The following COL7A1 variants were observed in gnomAD, a reference collection of about 807,000 sequenced individuals.
COL7A1 encodes collagen alpha-1(VII) chain.
A neutral mutation model predicts 456.2 loss-of-function variants in COL7A1; 296 were observed. The observed-to-expected ratio is 0.65, with a 90% CI of 0.59 to 0.71. COL7A1 has a LOEUF of 0.71. Ranked by LOEUF, COL7A1 falls within the 30% of genes least tolerant of loss-of-function variation. The pLI, the probability that COL7A1 is intolerant of heterozygous loss-of-function variation, is 0.00. For missense variants in COL7A1, 3,441 were observed against 4,017.2 expected, an observed-to-expected ratio of 0.86 and a Z score of 3.88; for synonymous variants, 1,464 against 1,525.9, an observed-to-expected ratio of 0.96 and a Z score of 0.95.
Position 48,570,771 on chromosome 3 carries a change from C to T in COL7A1, c.7273-61G>A. ...ACTTGGGAACCCTCCTACCCTCTGC[C>T]CCCTCAAGACTGGGAACCCCCAAGG... is the stretch of plus-strand genomic sequence containing the variant. On this transcript the variant is annotated intron_variant, in intron 95 of 118. Transcript: ENST00000681320. The surrounding 1 kb of genome is among the most constrained non-coding windows in gnomAD (Gnocchi z 5.5). The T allele has an allele frequency of 6.4e-7, 1 of 1,557,060 alleles. No individual in the cohort carries two copies. The highest frequency in any genetic ancestry group is 1.4e-5 in the African/African-American group (1 of 73,476).
rs777865274 is a variant in COL7A1 at position 48,585,460 on chromosome 3, C to T, written c.3894+97G>A. 295 of 1,392,834 alleles carry T rather than the reference C, an allele frequency of 2.1e-4. No individual in the cohort carries two copies. The highest frequency in any genetic ancestry group is 2.7e-4 in the Non-Finnish European group (265 of 984,608). 86.3% of individuals were successfully genotyped at this position (1,392,834 alleles called of 1,614,324 possible). A position where few individuals can be genotyped will look rare whatever the true frequency, so the allele number is the denominator to read the frequency against. ...CTCCAGCTGGGCTTCTAGGAATTCC[C>T]GATGATTCTAACTCTGCTTCTTCCT... On this transcript the variant is annotated intron_variant, in intron 32 of 118. Transcript: ENST00000681320. This position sits in a 1 kb window ranked among gnomAD's most constrained non-coding sequence, Gnocchi z 4.5.
In COL7A1 at chr3:48,578,786, G is replaced by C; in HGVS notation, c.5424+133C>G. The C allele has an allele frequency of 1.1e-6, 1 of 942,006 alleles. No individual in the cohort carries two copies. Among genetic ancestry groups the C allele is most frequent in the Non-Finnish European group, 1.6e-6 (1 of 639,982 alleles). 58.4% of individuals were successfully genotyped at this position (942,006 alleles called of 1,614,324 possible). ...GGATTCTACTAAAACCTGTGTGCCA[G>C]GGACTGAGACCCTCCCAAAGGCAAG... is the stretch of plus-strand genomic sequence containing the variant. On this transcript the variant is annotated intron_variant, in intron 63 of 118. Coordinates refer to ENST00000681320, the MANE Select transcript of COL7A1 (RefSeq NM_000094.4). The surrounding 1 kb of genome is among the most constrained non-coding windows in gnomAD (Gnocchi z 4.7).
rs368123421 is a variant in COL7A1 at position 48,581,243 on chromosome 3, C to T, written c.4899+17G>A. 1.3e-4 allele frequency: 213 copies of T among 1,612,948 alleles called. 2 individuals are homozygous for T. In the Admixed American group the frequency reaches 1.3e-3, roughly 10 times the overall value. The stretch of plus-strand genomic sequence containing the variant: ...ACTCCCTTACCCGCCATGACTCCCC[C>T]GACTCCAGCCTCTTACATCTCGTCC... On this transcript the variant is annotated intron_variant, in intron 52 of 118. Coordinates refer to ENST00000681320, the MANE Select transcript of COL7A1 (RefSeq NM_000094.4). This position sits in a 1 kb window ranked among gnomAD's most constrained non-coding sequence, Gnocchi z 5.8.
rs1269481457 is a variant in COL7A1, at chr3:48,571,567, G to A, written c.7069-289C>T. On this transcript the variant is annotated intron_variant, in intron 92 of 118. Coordinates refer to ENST00000681320, the MANE Select transcript of COL7A1 (RefSeq NM_000094.4). The surrounding 1 kb of genome is among the most constrained non-coding windows in gnomAD (Gnocchi z 4.6). The stretch of plus-strand genomic sequence containing the variant: ...CAGACATCTGGCTCCACAGACGTGA[G>A]TGCGGACACACGGGCGCTCAGAGGG... 4.4e-6 allele frequency: 3 copies of A among 682,418 alleles called. No individual in the cohort carries two copies. Among genetic ancestry groups the A allele is most frequent in the South Asian group, 1.5e-5 (1 of 66,456 alleles). The allele number at this position is 682,418 out of a possible 1,614,324, so 42.3% of individuals were successfully genotyped here. A position where few individuals can be genotyped will look rare whatever the true frequency, so the allele number is the denominator to read the frequency against.
Position 48,571,358 on chromosome 3 carries a change from G to A in COL7A1, c.7069-80C>T. On this transcript the variant is annotated intron_variant, in intron 92 of 118. Transcript: ENST00000681320. The surrounding 1 kb of genome is among the most constrained non-coding windows in gnomAD (Gnocchi z 4.6). ...CAGACACGGGCTGAAAATATTCCCAGGGGAGTTCTGATGTGACCATGAACA... is the reference window on the plus strand; with the variant it reads ...CAGACACGGGCTGAAAATATTCCCAAGGGAGTTCTGATGTGACCATGAACA... 1.3e-6 allele frequency: 2 copies of A among 1,563,018 alleles called. No homozygotes were observed. Among genetic ancestry groups the A allele is most frequent in the Non-Finnish European group, 1.8e-6 (2 of 1,137,080 alleles).
chr3:48,566,400 G>C lies in COL7A1; in HGVS notation c.8359-85C>G. ...GCACATAATACAGGGACTATGGTGAGACTGCATGGAGCCAGGGCCCAGGGG... is the reference window on the plus strand; with the variant it reads ...GCACATAATACAGGGACTATGGTGACACTGCATGGAGCCAGGGCCCAGGGG... On this transcript the variant is annotated intron_variant, in intron 113 of 118. Coordinates refer to ENST00000681320, the MANE Select transcript of COL7A1 (RefSeq NM_000094.4). The surrounding 1 kb of genome is among the most constrained non-coding windows in gnomAD (Gnocchi z 5.9). 6.2e-7 allele frequency: 1 copy of C among 1,605,306 alleles called. No individual in the cohort carries two copies. The highest frequency in any genetic ancestry group is 1.7e-5 in the Admixed American group (1 of 59,384).
In COL7A1 at chr3:48,590,264, C is replaced by G; in HGVS notation, c.1999G>C (p.Val667Leu). The G allele has an allele frequency of 6.2e-7, 1 of 1,613,936 alleles. No homozygotes were observed. Among genetic ancestry groups the G allele is most frequent in the South Asian group, 1.1e-5 (1 of 91,062 alleles). Residue 667 changes from valine to leucine, a missense_variant, in exon 16 of 119, where the codon GTA becomes CTA. Val to Leu is a conservative substitution (Grantham distance 32). Coordinates refer to ENST00000681320, the MANE Select transcript of COL7A1 (RefSeq NM_000094.4). The surrounding 1 kb of genome is among the most constrained non-coding windows in gnomAD (Gnocchi z 4.6). ...PGTTYQVAVS[V>L]LRGREEGPAA... ...GGGCCCTCCTCTCTGCCTCGCAGTACCGACACAGCCACCTGGTAGGTGGTT... is the reference window on the plus strand; with the variant it reads ...GGGCCCTCCTCTCTGCCTCGCAGTAGCGACACAGCCACCTGGTAGGTGGTT...
At position 48,568,888 on chromosome 3, in the gene COL7A1, G is replaced by C; in HGVS notation, c.7687-33C>G. The C allele has an allele frequency of 6.4e-7, 1 of 1,555,388 alleles. No homozygotes were observed. The highest frequency in any genetic ancestry group is 8.7e-7 in the Non-Finnish European group (1 of 1,146,948). Reference sequence around the variant, plus strand: ...AGTGACCAGGAGAGGGATTCAGTCAGGACCAGATCAGGCTGGGGGCTTAGA... The same window carrying C: ...AGTGACCAGGAGAGGGATTCAGTCACGACCAGATCAGGCTGGGGGCTTAGA... On this transcript the variant is annotated intron_variant, in intron 103 of 118. Transcript: ENST00000681320. This position sits in a 1 kb window ranked among gnomAD's most constrained non-coding sequence, Gnocchi z 5.2.
rs112242120 is a variant in COL7A1 at position 48,586,434 on chromosome 3, C to A, written c.3448G>T (p.Ala1150Ser). Residue 1150 changes from alanine to serine, a missense_variant, in exon 27 of 119, where the codon GCT becomes TCT. Physicochemically the swap from Ala to Ser is moderately conservative, Grantham distance 99. Transcript: ENST00000681320. This position sits in a 1 kb window ranked among gnomAD's most constrained non-coding sequence, Gnocchi z 5.1. ...GGTACGTGCTGGCGGCGCCCAGGAG[C>A]ATCTGGTGCCAACATGTATCTGTGA... ...TAHRYMLAPDAPGRRQHVPGV... is the reference protein window; with the variant it reads ...TAHRYMLAPDSPGRRQHVPGV... The A allele has an allele frequency of 1.2e-6, 2 of 1,613,888 alleles. No homozygotes were observed. Among genetic ancestry groups the A allele is most frequent in the East Asian group, 4.5e-5 (2 of 44,886 alleles).
At chr3:48,576,970 G>T in intron 66 of COL7A1, 22 bp downstream of exon 66, 2 of 1,614,006 alleles carry the variant, frequency 1.2e-6, no homozygotes, top group Non-Finnish European at 1.7e-6. Context: ...AGACCAGAGA[G>T]ACCCCAGGTG....
intron 17 of COL7A1, 41 bp from the exon 18 acceptor site, chr3:48,589,511 C>G (rs2045540542): frequency 6.2e-7 from 1 of 1,612,962 alleles, no homozygotes; most frequent in Admixed American, 1.7e-5. Context: ...CTAGCAAACT[C>G]TGTGCCCCAG....
rs35446026 is a variant in COL7A1, at chr3:48,569,912, GC to G, written c.7488del (p.Pro2498LeufsTer18). ...CCACGCTCTCCCCTGCTGCCAGGGG[GC>G]CCCTGTGTGAGAGAAGGTGACCGTG... ...PGQEGPRGLT[G>X]PPGSRGERGE... On this transcript the variant is annotated frameshift_variant and splice_region_variant, in exon 100 of 119. Coordinates refer to ENST00000681320, the MANE Select transcript of COL7A1 (RefSeq NM_000094.4). LOFTEE classifies it high-confidence loss of function. This position sits in a 1 kb window ranked among gnomAD's most constrained non-coding sequence, Gnocchi z 4.9. 6.2e-7 allele frequency: 1 copy of G among 1,614,060 alleles called. No individual in the cohort carries two copies. The highest frequency in any genetic ancestry group is 1.1e-5 in the South Asian group (1 of 91,076).
At position 48,567,821 on chromosome 3, in the gene COL7A1, C is replaced by T. The variant is rs377368133; in HGVS notation, c.7929+17G>A. ...GCCCCAGGCCACGTAGCCCCCCAGC[C>T]CCCATCCCCTCTGTACCTTGTCTCC... On this transcript the variant is annotated intron_variant, in intron 107 of 118. Transcript: ENST00000681320. The surrounding 1 kb of genome is among the most constrained non-coding windows in gnomAD (Gnocchi z 4.3). The T allele has an allele frequency of 3.3e-5, 53 of 1,614,014 alleles. No homozygotes were observed. The African/African-American group carries it at 5.9e-4, about 18-fold the overall frequency.
Position 48,580,391 on chromosome 3 carries a change from G to T in COL7A1, c.5053-47C>A. The T allele has an allele frequency of 6.3e-7, 1 of 1,595,422 alleles. No homozygotes were observed. The highest frequency in any genetic ancestry group is 1.1e-5 in the South Asian group (1 of 88,764). On this transcript the variant is annotated intron_variant, in intron 55 of 118. Coordinates refer to ENST00000681320, the MANE Select transcript of COL7A1 (RefSeq NM_000094.4). The surrounding 1 kb of genome is among the most constrained non-coding windows in gnomAD (Gnocchi z 4.5). ...GGCCACTCAAGGTAGGCAGCAGTTTGGGAGAGCTTTGGAAGCACCATGAGG... is the reference window on the plus strand; with the variant it reads ...GGCCACTCAAGGTAGGCAGCAGTTTTGGAGAGCTTTGGAAGCACCATGAGG...
chr3:48,577,739 T>C (rs1450245171), intron 65 of COL7A1, among the ~76,000 whole-genome samples: 1 of 152,228 alleles, frequency 6.6e-6, no homozygotes, highest in African/African-American at 2.4e-5. Context: ...TTTGTGCCTG[T>C]CGACCTGTCT....
rs768045464 is a variant in COL7A1, at chr3:48,566,971, G to A, written c.8162C>T (p.Ala2721Val). The A allele has an allele frequency of 1.2e-6, 2 of 1,611,968 alleles. No individual in the cohort carries two copies. Among genetic ancestry groups the A allele is most frequent in the East Asian group, 2.2e-5 (1 of 44,820 alleles). Residue 2721 changes from alanine to valine, a missense_variant, in exon 111 of 119, where the codon GCT becomes GTT. This residue lies in a region of COL7A1 where 2,084 missense variants were observed against 2,501.3 expected (regional missense o/e 0.83). Transcript: ENST00000681320. The surrounding 1 kb of genome is among the most constrained non-coding windows in gnomAD (Gnocchi z 5.9). The stretch of plus-strand genomic sequence containing the variant: ...ACTGCCAGGTGGCCCTGGGGGACCA[G>A]CAGAGCCATCATTTCCACTGGGGCC... ...FPGPSGNDGS[A>V]GPPGPPGSVG...
In COL7A1 at chr3:48,571,927, C is replaced by A; in HGVS notation, c.7068+74G>T. ...TCAGGGGCTCAGACATGTGCCCCGG[C>A]CCAAGAGTGGCCCCTTATGCCCGCC... On this transcript the variant is annotated intron_variant, in intron 92 of 118. Coordinates refer to ENST00000681320, the MANE Select transcript of COL7A1 (RefSeq NM_000094.4). The surrounding 1 kb of genome is among the most constrained non-coding windows in gnomAD (Gnocchi z 4.6). 6.4e-7 allele frequency: 1 copy of A among 1,565,506 alleles called. No individual in the cohort carries two copies. The highest frequency in any genetic ancestry group is 8.7e-7 in the Non-Finnish European group (1 of 1,147,618).
At position 48,593,976 on chromosome 3, in the gene COL7A1, CAGG is replaced by C. The variant is rs1355918305; in HGVS notation, c.267-283_267-281del. On this transcript the variant is annotated intron_variant, in intron 3 of 118. Coordinates refer to ENST00000681320, the MANE Select transcript of COL7A1 (RefSeq NM_000094.4). This position sits in a 1 kb window ranked among gnomAD's most constrained non-coding sequence, Gnocchi z 4.4. ...AAGATGCTGCTTAATTAAATAATTG[CAGG>C]AGGAGGGGTCCAGATGTAGGAAAGT... 6.6e-6 allele frequency among the ~76,000 whole-genome samples: 1 copy of C among 152,192 alleles called. No individual in the cohort carries two copies. Among genetic ancestry groups the C allele is most frequent in the Non-Finnish European group, 1.5e-5 (1 of 68,028 alleles).
intron 69 of COL7A1, 32 bp from the exon 70 acceptor site, chr3:48,576,467 G>A (rs2044305953): frequency 6.2e-7 from 1 of 1,612,894 alleles, no homozygotes; most frequent in East Asian, 2.2e-5. Context: ...TGGGGAAATG[G>A]CCCCCAGCCT....
Sources: gnomAD v4.1 joint callset for allele counts (sites outside exome capture counted in the v4.1 genomes callset) on GRCh38, gnomAD v4.1.1 for gene constraint, gnomAD v4.1.1 regional missense constraint, Gnocchi (gnomAD v3.1) non-coding constraint, MANE v1.5 for transcripts, NCBI Gene and HGNC (gene_info 2026-07-23, HGNC 2026-07-21) for gene names.